Variants in RELN observed in about 807,000 individuals in gnomAD.
The protein encoded by RELN is reelin.
In RELN, 108 loss-of-function variants were observed where a neutral mutation model predicts 427.6. That is an observed-to-expected ratio of 0.25 (90% CI 0.22 to 0.30). RELN has a LOEUF of 0.30. Ranked by LOEUF, RELN falls within the 10% of genes least tolerant of loss-of-function variation. RELN has a pLI of 1.00. For missense variants in RELN, 3,715 were observed against 4,302.8 expected, an observed-to-expected ratio of 0.86 and a Z score of 3.82; for synonymous variants, 1,524 against 1,513.4, an observed-to-expected ratio of 1.01 and a Z score of -0.16.
intron 2 of RELN, among the ~76,000 whole-genome samples, chr7:103,834,156 C>T (rs1055148560): frequency 6.6e-6 from 1 of 152,188 alleles, no homozygotes; most frequent in Non-Finnish European, 1.5e-5. Flanking sequence ...TGGGAGGTTT[C>T]AAGAAAAGGT....
intron 6 of RELN, among the ~76,000 whole-genome samples, chr7:103,743,669 A>C (rs949135752): frequency 1.3e-5 from 2 of 152,108 alleles, no homozygotes; most frequent in Non-Finnish European, 2.9e-5. Flanking sequence ...ACAAAGAAGG[A>C]CGTTACATAA....
intron 51 of RELN, among the ~76,000 whole-genome samples, chr7:103,510,238 C>A (rs543974700): frequency 3.9e-5 from 6 of 152,286 alleles, no homozygotes; most frequent in South Asian, 4.2e-4. Context: ...TGGAACCAAC[C>A]AAATGCCCAT....
chr7:103,533,432 C>G (rs955062851), intron 46 of RELN, among the ~76,000 whole-genome samples: 5 of 152,084 alleles, frequency 3.3e-5, no homozygotes, highest in Admixed American at 3.3e-4. Flanking sequence ...TATGTTTACT[C>G]ATGTTCGAAA....
At chr7:103,677,453 A>T (rs1345451307) in intron 11 of RELN, among the ~76,000 whole-genome samples, 1 of 146,364 alleles carries the variant, frequency 6.8e-6, no homozygotes, top group Non-Finnish European at 1.5e-5. Flanking sequence ...TAATAATAAT[A>T]AAAAGAACAA....
At chr7:103,829,485 T>A (rs146223998) in intron 3 of RELN, among the ~76,000 whole-genome samples, 18 of 152,062 alleles carry the variant, frequency 1.2e-4, no homozygotes, top group African/African-American at 4.3e-4. Context: ...ACAAACCATA[T>A]TGCCACAGGA....
In RELN at chr7:103,884,660, C is replaced by T. The variant is rs143986492; in HGVS notation, c.337+32415G>A. On this transcript the variant is annotated intron_variant, in intron 2 of 64. Transcript: ENST00000428762. Reference sequence around the variant, plus strand: ...CACTTCTCAAAAGAAGACATTTATGCACCCAACAAAAATATGAAAAAAAGC... The same window carrying T: ...CACTTCTCAAAAGAAGACATTTATGTACCCAACAAAAATATGAAAAAAAGC... Among the ~76,000 whole-genome samples, 1,396 of 152,256 alleles carry T rather than the reference C, an allele frequency of 9.2e-3. 17 individuals carry two copies. The highest frequency in any genetic ancestry group is 0.016 in the Non-Finnish European group (1,062 of 68,014).
In RELN at chr7:103,792,571, T is replaced by C. The variant is rs1471144407; in HGVS notation, c.474-15944A>G. On this transcript the variant is annotated intron_variant, in intron 3 of 64. Transcript: ENST00000428762. ...TAGTGGTTTCCGGGGGATGGGGGGA[T>C]GGGGGGATGGGGAAATGTAAACTGA... 4.4e-4 allele frequency among the ~76,000 whole-genome samples: 6 copies of C among 13,770 alleles called. 1 individual carries two copies. Among genetic ancestry groups the C allele is most frequent in the African/African-American group, 1.4e-3 (5 of 3,458 alleles). The allele number at this position is 13,770 out of a possible 152,430, so 9.0% of individuals were successfully genotyped here. A position where few individuals can be genotyped will look rare whatever the true frequency, so the allele number is the denominator to read the frequency against.
intron 58 of RELN, 108 bp from the exon 59 acceptor site, chr7:103,490,937 A>G: frequency 9.5e-7 from 1 of 1,055,198 alleles, no homozygotes; most frequent in Admixed American, 2.1e-5. Flanking sequence ...TTTGTATAGG[A>G]GTTTCCTGTT....
intron 46 of RELN, among the ~76,000 whole-genome samples, chr7:103,526,344 A>G (rs1237844733): frequency 6.6e-6 from 1 of 152,248 alleles, no homozygotes; most frequent in Non-Finnish European, 1.5e-5. Context: ...TGAAAAATGT[A>G]CTAACATGGG....
At chr7:103,624,482 G>A (rs570899352) in intron 20 of RELN, among the ~76,000 whole-genome samples, 4 of 152,012 alleles carry the variant, frequency 2.6e-5, no homozygotes, top group African/African-American at 7.2e-5. Context: ...GCTGGAGTGC[G>A]ATGGCATGAT....
rs1830542154 is a variant in RELN at position 103,557,142 on chromosome 7, G to A, written c.5632C>T (p.His1878Tyr). The change falls in exon 38 of 65, where the codon CAC becomes TAC. Residue 1878 changes from histidine (H) to tyrosine (Y), a missense_variant. By Grantham distance (83) the His-to-Tyr change is moderately conservative (BLOSUM62 2). Around this residue, in one of 4 missense-constraint regions of RELN, gnomAD observed 2,208 missense variants for 2,361.7 expected, o/e 0.93. Coordinates refer to ENST00000428762, the MANE Select transcript of RELN (RefSeq NM_005045.4). ...ATGGAGAATTGTAACAGAATAGAGT[G>A]AGATCTCTCTGGGGTACCTAGGAAG... The part of the protein sequence containing the change: ...FIAKSTPERS[H>Y]SILLQFSISG... 6.2e-7 allele frequency: 1 copy of A among 1,613,202 alleles called. No individual in the cohort carries two copies. Among genetic ancestry groups the A allele is most frequent in the Non-Finnish European group, 8.5e-7 (1 of 1,179,184 alleles).
At chr7:103,556,709 C>T (rs969917243) in intron 38 of RELN, among the ~76,000 whole-genome samples, 3 of 152,176 alleles carry the variant, frequency 2.0e-5, no homozygotes, top group African/African-American at 7.2e-5. Context: ...GTAAGACATG[C>T]CTTTTGCCTC....
At position 103,967,594 on chromosome 7, in the gene RELN, C is replaced by T. The variant is rs143003958; in HGVS notation, c.226+21537G>A. 1.7e-3 allele frequency among the ~76,000 whole-genome samples: 254 copies of T among 152,228 alleles called. 1 individual carries two copies. The South Asian group carries it at 0.021, about 13-fold the overall frequency. On this transcript the variant is annotated intron_variant, in intron 1 of 64. Transcript: ENST00000428762. ...AAATGTTCAGTGGCTCCCTGCTGCC[C>T]ACAGACAAAAGGAGAATGCCTCTAT... is the stretch of plus-strand genomic sequence containing the variant.
At chr7:103,607,684 A>G (rs1034342406) in intron 22 of RELN, among the ~76,000 whole-genome samples, 1 of 152,238 alleles carries the variant, frequency 6.6e-6, no homozygotes, top group Non-Finnish European at 1.5e-5. Context: ...GAAATGAAAC[A>G]GTATTGAATC....
chr7:103,638,849 G>C (rs1047884641), intron 17 of RELN, among the ~76,000 whole-genome samples: 1 of 152,118 alleles, frequency 6.6e-6, no homozygotes, highest in East Asian at 1.9e-4. Context: ...TGGCATAGAT[G>C]GTAGCCTTAA....
At chr7:103,973,816 AC>A (rs1169952419) in intron 1 of RELN, among the ~76,000 whole-genome samples, 1 of 152,214 alleles carries the variant, frequency 6.6e-6, no homozygotes, top group Non-Finnish European at 1.5e-5. Flanking sequence ...CTTTTTAATC[AC>A]AGGAAAAAAT....
chr7:103,788,302 C>CA (rs1179908816), intron 3 of RELN, among the ~76,000 whole-genome samples: 1 of 152,160 alleles, frequency 6.6e-6, no homozygotes, highest in African/African-American at 2.4e-5. Context: ...CCTCTCTCAC[C>CA]ACTCCTCTTC....
rs1258879869 is a variant in RELN at position 103,909,146 on chromosome 7, T to C, written c.337+7929A>G. On this transcript the variant is annotated intron_variant, in intron 2 of 64. Transcript: ENST00000428762. The stretch of plus-strand genomic sequence containing the variant: ...GAATGGCTGTCCCTCTTCATGAATA[T>C]TAAGCCCTAAATATGTTCATGCATT... Among the ~76,000 whole-genome samples the C allele has an allele frequency of 6.6e-5, 10 of 152,286 alleles. No homozygotes were observed. In the South Asian group the frequency reaches 1.9e-3, roughly 28 times the overall value.
Position 103,922,269 on chromosome 7 carries a change from C to G in RELN, c.227-5084G>C, listed in dbSNP as rs568051559. Among the ~76,000 whole-genome samples the G allele has an allele frequency of 2.9e-4, 44 of 152,096 alleles. No homozygotes were observed. The South Asian group carries it at 3.7e-3, about 13-fold the overall frequency. On this transcript the variant is annotated intron_variant, in intron 1 of 64. Transcript: ENST00000428762. ...TATAGTACTCAAAAACCAGGTAGGT[C>G]TAAGAAAATTTTAGTTGGATTTTAC...
Sources: gnomAD v4.1 joint callset for allele counts (sites outside exome capture counted in the v4.1 genomes callset) on GRCh38, gnomAD v4.1.1 for gene constraint, gnomAD v4.1.1 regional missense constraint, MANE v1.5 for transcripts, NCBI Gene and HGNC (gene_info 2026-07-23, HGNC 2026-07-21) for gene names.